The following KDM5B variants were observed in gnomAD, a reference collection of about 807,000 sequenced individuals.
KDM5B encodes the protein lysine demethylase 5B.
In KDM5B, 144 loss-of-function variants were observed where a neutral mutation model predicts 193.4. The observed-to-expected ratio is 0.74, with a 90% confidence interval of 0.65 to 0.86. The LOEUF (loss-of-function observed/expected upper bound fraction) is 0.86. Among genes scored for constraint, KDM5B ranks in the 40% least tolerant of loss-of-function variants. KDM5B has a pLI of 0.00. For missense variants in KDM5B, 1,833 were observed against 1,886.9 expected (o/e 0.97, Z 0.53); for synonymous variants, 668 against 682.6 (o/e 0.98, Z 0.33).
chr1:202,797,899 T>C (rs574328515), intron 1 of KDM5B, among the ~76,000 whole-genome samples: 1 of 152,332 alleles, frequency 6.6e-6, no homozygotes, highest in East Asian at 1.9e-4. Flanking sequence ...CACTAATCTG[T>C]TTAGGGACAG....
chr1:202,734,132 G>A (rs1413995969), intron 22 of KDM5B, among the ~76,000 whole-genome samples: 2 of 151,988 alleles, frequency 1.3e-5, no homozygotes, highest in South Asian at 2.1e-4. Context: ...TAAGAGATGT[G>A]GGATAGGACA....
At chr1:202,766,049 A>G (rs556224297) in intron 5 of KDM5B, among the ~76,000 whole-genome samples, 8 of 152,306 alleles carry the variant, frequency 5.3e-5, no homozygotes, top group Non-Finnish European at 8.8e-5. Context: ...GTCTTTATTA[A>G]AAATTTTTTT....
intron 4 of KDM5B, among the ~76,000 whole-genome samples, chr1:202,771,008 CT>C (rs1383525241): frequency 6.6e-6 from 1 of 152,044 alleles, no homozygotes; most frequent in Non-Finnish European, 1.5e-5. Context: ...ACTACATTGC[CT>C]TTTTAAGTAT....
intron 21 of KDM5B, 93 bp from the exon 22 acceptor site, chr1:202,735,680 G>A: frequency 8.5e-7 from 1 of 1,173,262 alleles, no homozygotes; most frequent in Non-Finnish European, 1.2e-6. Flanking sequence ...GCAGTAAAAA[G>A]GATGTGCATT....
intron 13 of KDM5B, among the ~76,000 whole-genome samples, chr1:202,750,045 T>G (rs1655729338): frequency 6.6e-6 from 1 of 152,216 alleles, no homozygotes; most frequent in Non-Finnish European, 1.5e-5. Context: ...TGGAATTATT[T>G]ATCAGTTTGC....
chr1:202,788,699 C>T (rs1043338810), intron 1 of KDM5B, among the ~76,000 whole-genome samples: 4 of 152,090 alleles, frequency 2.6e-5, no homozygotes, highest in Non-Finnish European at 5.9e-5. Flanking sequence ...CAGATCCTTC[C>T]CCCTACATCA....
intron 1 of KDM5B, chr1:202,796,386 G>T: frequency 3.9e-6 from 1 of 256,542 alleles, no homozygotes; most frequent in South Asian, 4.3e-5. Flanking sequence ...GGACCCTGTG[G>T]AGTGGCCTCC....
At chr1:202,801,953 C>CTCCA (rs1158696228) in intron 1 of KDM5B, among the ~76,000 whole-genome samples, 2 of 151,916 alleles carry the variant, frequency 1.3e-5, no homozygotes, top group Non-Finnish European at 2.9e-5. Flanking sequence ...ATGTGTAGCC[C>CTCCA]TCCAGTTCCC....
intron 25 of KDM5B, 105 bp downstream of exon 25, chr1:202,730,804 T>C: frequency 1.8e-6 from 2 of 1,126,604 alleles, no homozygotes; most frequent in East Asian, 2.5e-5. Context: ...CTCAGTCTAA[T>C]CGCCCAGTCC....
At chr1:202,776,261 A>T (rs1018486395) in intron 2 of KDM5B, 1 of 152,108 alleles carries the variant, frequency 6.6e-6, no homozygotes. Context: ...TGACTTTTTT[A>T]AAAAATTTAA....
chr1:202,783,479 TG>T (rs1347304131), intron 1 of KDM5B, among the ~76,000 whole-genome samples: 2 of 151,940 alleles, frequency 1.3e-5, no homozygotes, highest in Non-Finnish European at 2.9e-5. Context: ...CACTGCAGCC[TG>T]GGCGACAGAG....
Position 202,733,776 on chromosome 1 carries a change from G to A in KDM5B, c.3534C>T (p.Ile1178=), listed in dbSNP as rs1654986591. 4 of 1,614,182 alleles carry A rather than the reference G, an allele frequency of 2.5e-6. No homozygotes were observed. Among genetic ancestry groups the A allele is most frequent in the Non-Finnish European group, 3.4e-6 (4 of 1,180,018 alleles). The change falls in exon 23 of 27, where the codon ATC becomes ATT. Residue 1178 remains isoleucine, a synonymous_variant. Transcript: ENST00000367265. ...CAGCTGGGGCCTTCTGACATAGGCA[G>A]ATTTTTATATCCACATCTTGGAGAG... is the stretch of plus-strand genomic sequence containing the variant. ...LSPLQDVDIK[I]CLCQKAPAAP... is the part of the protein sequence containing the mutation.
At chr1:202,740,854 G>T (rs1300525280) in intron 19 of KDM5B, 42 bp from the exon 20 acceptor site, 12 of 1,549,804 alleles carry the variant, frequency 7.7e-6, no homozygotes, top group Non-Finnish European at 1.0e-5. Context: ...TTTATATGAT[G>T]GTTCATTTTT....
intron 4 of KDM5B, 29 bp from the exon 5 acceptor site, chr1:202,767,089 C>T (rs774123851): frequency 2.5e-6 from 4 of 1,604,890 alleles, no homozygotes; most frequent in Middle Eastern, 3.4e-4. Flanking sequence ...CTGATAAATT[C>T]CCTCCTTTTT....
chr1:202,771,122 A>T (rs961013584), intron 4 of KDM5B, among the ~76,000 whole-genome samples: 3 of 152,232 alleles, frequency 2.0e-5, no homozygotes. Context: ...AGAGTTCAAG[A>T]AGAGAAAATT....
At position 202,729,631 on chromosome 1, in the gene KDM5B, C is replaced by G; in HGVS notation, c.4497+76G>C. On this transcript the variant is annotated intron_variant, in intron 26 of 26. Transcript: ENST00000367265. ...AGCAGATAAGCAGAGGAGAAAGACC[C>G]AGCGAGATGAGGTCTAGCTTACAGG... The G allele has an allele frequency of 3.2e-6, 4 of 1,258,690 alleles. No individual in the cohort carries two copies. In the South Asian group the frequency reaches 5.7e-5, roughly 18 times the overall value. The allele number at this position is 1,258,690 out of a possible 1,614,324, so 78.0% of individuals were successfully genotyped here.
chr1:202,786,557 G>T (rs1657421952), intron 1 of KDM5B, among the ~76,000 whole-genome samples: 1 of 152,130 alleles, frequency 6.6e-6, no homozygotes, highest in Non-Finnish European at 1.5e-5. Flanking sequence ...TCACAGTTCT[G>T]CCATTAAAGC....
At chr1:202,770,459 ATTC>A (rs1341150736) in intron 4 of KDM5B, among the ~76,000 whole-genome samples, 1 of 152,254 alleles carries the variant, frequency 6.6e-6, no homozygotes, top group East Asian at 1.9e-4. Context: ...ATGTTCTTCA[ATTC>A]TTCTCTCCCT....
Position 202,740,348 on chromosome 1 carries a change from C to T in KDM5B, c.3084+326G>A, listed in dbSNP as rs1459636081. On this transcript the variant is annotated intron_variant, in intron 20 of 26. Coordinates refer to ENST00000367265, the MANE Select transcript of KDM5B (RefSeq NM_006618.5). The stretch of plus-strand genomic sequence containing the variant: ...TCACCTCCCGGACGGGGTGGCCGGC[C>T]GGGCGGGGGGCTGACCCCCCCACCT... Among the ~76,000 whole-genome samples, 3 of 130,296 alleles carry T rather than the reference C, an allele frequency of 2.3e-5. No individual in the cohort carries two copies. The South Asian group carries it at 7.5e-4, about 33-fold the overall frequency. The allele number at this position is 130,296 out of a possible 152,430, so 85.5% of individuals were successfully genotyped here.
Sources: gnomAD v4.1 joint callset for allele counts (sites outside exome capture counted in the v4.1 genomes callset) on GRCh38, gnomAD v4.1.1 for gene constraint, MANE v1.5 for transcripts, NCBI Gene and HGNC (gene_info 2026-07-23, HGNC 2026-07-21) for gene names.